Variants in PKLR observed in about 807,000 individuals in gnomAD.
PKLR encodes pyruvate kinase PKLR.
In PKLR, 38 loss-of-function variants were observed where a neutral mutation model predicts 53.6. That is an observed-to-expected ratio of 0.71 (90% confidence interval 0.55 to 0.93). PKLR has a LOEUF of 0.93. PKLR is among the 40% of genes least tolerant of loss of function. The pLI is 0.00. For missense variants in PKLR, 702 were observed against 787.3 expected (o/e 0.89, Z 1.30); for synonymous variants, 328 against 316.2 (o/e 1.04, Z -0.39).
chr1:155,299,348 A>C (rs1233813344), intron 2 of PKLR, among the ~76,000 whole-genome samples: 1 of 148,486 alleles, frequency 6.7e-6, no homozygotes, highest in East Asian at 2.0e-4. Flanking sequence ...GCACCACCAC[A>C]CTCAACTAAG....
Position 155,295,453 on chromosome 1 carries a change from G to C in PKLR, c.491C>G (p.Thr164Ser). The C allele has an allele frequency of 6.2e-7, 1 of 1,609,170 alleles. No individual in the cohort carries two copies. The highest frequency in any genetic ancestry group is 8.5e-7 in the Non-Finnish European group (1 of 1,177,914). The change falls in exon 4 of 11, where the codon ACT becomes AGT. Residue 164 changes from threonine to serine, a missense_variant. Coordinates refer to ENST00000342741, the MANE Select transcript of PKLR (RefSeq NM_000298.6). This position sits in a 1 kb window ranked among gnomAD's most constrained non-coding sequence, Gnocchi z 4.3. The stretch of plus-strand genomic sequence containing the variant: ...ACTGCTCACCCCCTGCAGGATCCCA[G>C]TGCGGATCTCCGGTCCCTTGGTGTC... ...ALDTKGPEIR[T>S]GILQGGPESE...
upstream of PKLR, among the ~76,000 whole-genome samples, chr1:155,306,171 C>T (rs1648230115): frequency 6.6e-6 from 1 of 152,198 alleles, no homozygotes; most frequent in Admixed American, 6.5e-5. This position sits in a 1 kb window ranked among gnomAD's most constrained non-coding sequence, Gnocchi z 4.2. Flanking sequence ...TGCACTTTGT[C>T]ACAGGATCAT....
In PKLR at chr1:155,299,038, T is replaced by C. The variant is rs200515801; in HGVS notation, c.283+1060A>G. 8.5e-4 allele frequency among the ~76,000 whole-genome samples: 59 copies of C among 69,108 alleles called. 1 individual carries two copies. In the East Asian group the frequency reaches 0.013, roughly 15 times the overall value. 45.3% of individuals were successfully genotyped at this position (69,108 alleles called of 152,430 possible). On this transcript the variant is annotated intron_variant, in intron 2 of 10. Transcript: ENST00000342741. ...TCTTTCTTTCTTTCTTTCTTTCTCT[T>C]TCTTTCTTTCTTTCCTTCCTTCCTT...
chr1:155,291,828 G>A lies in PKLR; in HGVS notation c.1546C>T (p.Leu516Phe), dbSNP rs1341550191. 1 of 1,614,162 alleles carries A rather than the reference G, an allele frequency of 6.2e-7. No homozygotes were observed. The highest frequency in any genetic ancestry group is 8.5e-7 in the Non-Finnish European group (1 of 1,180,006). ...VHLCRGVFPL[L>F]YREPPEAIWA... The stretch of plus-strand genomic sequence containing the variant: ...ATGGCTTCTGGAGGTTCACGGTAAA[G>A]CAAGGGGAAGACTCCTCGGCATAAG... Residue 516 changes from leucine to phenylalanine, a missense_variant, in exon 10 of 11, where the codon CTT becomes TTT. Leu to Phe is a conservative substitution (Grantham distance 22, BLOSUM62 0). Transcript: ENST00000342741.
intron 2 of PKLR, among the ~76,000 whole-genome samples, chr1:155,299,111 T>G (rs2148216614): frequency 6.6e-6 from 1 of 150,500 alleles, no homozygotes; most frequent in African/African-American, 2.4e-5. Context: ...CTTGCTTTCT[T>G]TCCTTCCTTC....
intron 2 of PKLR, among the ~76,000 whole-genome samples, chr1:155,298,999 TTTC>T (rs1647789898): frequency 2.0e-5 from 2 of 99,438 alleles, no homozygotes; most frequent in African/African-American, 1.1e-4. Context: ...TCTTTCTTTC[TTTC>T]TTTCTTTCTT....
chr1:155,302,701 C>T (rs1258671016), upstream of PKLR, among the ~76,000 whole-genome samples: 1 of 151,394 alleles, frequency 6.6e-6, no homozygotes, highest in Admixed American at 6.6e-5. Flanking sequence ...TTTAAAGGGT[C>T]TCACTCTGTC....
intron 10 of PKLR, 72 bp downstream of exon 10, chr1:155,291,684 G>T: frequency 7.3e-7 from 1 of 1,362,260 alleles, no homozygotes; most frequent in Non-Finnish European, 1.1e-6. Flanking sequence ...CCTTTGAGTG[G>T]GTATGGGAAG....
chr1:155,295,606 T>C lies in PKLR; in HGVS notation c.376-38A>G. On this transcript the variant is annotated intron_variant, in intron 3 of 10. Coordinates refer to ENST00000342741, the MANE Select transcript of PKLR (RefSeq NM_000298.6). The surrounding 1 kb of genome is among the most constrained non-coding windows in gnomAD (Gnocchi z 4.3). ...GCGGAGCGAGGGTTTCAGGGGAAGG[T>C]GGCCAGGACCTCGAGGCATCCTCCT... The C allele has an allele frequency of 6.2e-7, 1 of 1,613,972 alleles. No individual in the cohort carries two copies. The highest frequency in any genetic ancestry group is 8.5e-7 in the Non-Finnish European group (1 of 1,179,990).
At position 155,293,157 on chromosome 1, in the gene PKLR, A is replaced by T. The variant is rs369083807; in HGVS notation, c.1436+20T>A. On this transcript the variant is annotated intron_variant, in intron 9 of 10. Transcript: ENST00000342741. This position sits in a 1 kb window ranked among gnomAD's most constrained non-coding sequence, Gnocchi z 4.2. ...CCCTGACCCAAAGCTCCATCTGGAC[A>T]TTCCCAATATCCCCCTCACCGGCCA... The T allele has an allele frequency of 1.0e-4, 162 of 1,585,372 alleles. No individual in the cohort carries two copies. Among genetic ancestry groups the T allele is most frequent in the Non-Finnish European group, 9.5e-6 (11 of 1,159,686 alleles).
intron 2 of PKLR, among the ~76,000 whole-genome samples, chr1:155,299,528 T>TG (rs1331881878): frequency 1.2e-5 from 1 of 83,324 alleles, no homozygotes; most frequent in Non-Finnish European, 2.2e-5. Flanking sequence ...TTTTGTGAGA[T>TG]GGAGTTTTTC....
upstream of PKLR, chr1:155,301,505 T>G: frequency 7.0e-7 from 1 of 1,423,324 alleles, no homozygotes; most frequent in Non-Finnish European, 9.8e-7. Flanking sequence ...GCACACCCAG[T>G]AGGCCACCCT....
At chr1:155,303,851 T>C (rs1171638034), upstream of PKLR, among the ~76,000 whole-genome samples, 1 of 152,070 alleles carries the variant, frequency 6.6e-6, no homozygotes, top group Admixed American at 6.6e-5. Context: ...AGTGATTATT[T>C]TGAAGCTGAA....
chr1:155,304,980 C>T (rs916741357), upstream of PKLR, among the ~76,000 whole-genome samples: 3 of 152,144 alleles, frequency 2.0e-5, no homozygotes, highest in Non-Finnish European at 4.4e-5. Context: ...AGGAGGCTGA[C>T]GGCTTTGCAC....
At chr1:155,300,933 A>C in intron 1 of PKLR, 1 of 1,600,086 alleles carries the variant, frequency 6.2e-7, no homozygotes, top group Non-Finnish European at 8.5e-7. Flanking sequence ...GGTCTGCTCC[A>C]CACTGTTGGG....
intron 6 of PKLR, 46 bp from the exon 7 acceptor site, chr1:155,294,431 G>A (rs1647424654): frequency 1.9e-6 from 3 of 1,614,230 alleles, no homozygotes; most frequent in Non-Finnish European, 1.7e-6. Flanking sequence ...GGAGAAGAAA[G>A]GTGATGGGGA....
intron 2 of PKLR, among the ~76,000 whole-genome samples, chr1:155,298,705 G>A (rs1366518580): frequency 6.6e-6 from 1 of 151,496 alleles, no homozygotes; most frequent in Non-Finnish European, 1.5e-5. Context: ...GCAATGGCGT[G>A]ATCTTGGCTC....
rs61208773 is a variant in PKLR at position 155,293,375 on chromosome 1, G to T, written c.1270-32C>A. The T allele has an allele frequency of 2.1e-3, 3,366 of 1,614,176 alleles. 65 individuals carry two copies. The African/African-American group carries it at 0.04, about 19-fold the overall frequency. Reference sequence around the variant, plus strand: ...GTGCCAGAATGTTAGTCTGGGAAGGGGCACTGGGGTATGGAAGGGATTTGG... The same window carrying T: ...GTGCCAGAATGTTAGTCTGGGAAGGTGCACTGGGGTATGGAAGGGATTTGG... On this transcript the variant is annotated intron_variant, in intron 8 of 10. Transcript: ENST00000342741. This position sits in a 1 kb window ranked among gnomAD's most constrained non-coding sequence, Gnocchi z 4.2.
chr1:155,301,052 G>GAA, intron 1 of PKLR: 1 of 1,540,658 alleles, frequency 6.5e-7, no homozygotes. Context: ...AGGGGCCAGA[G>GAA]TCCAGGAACC....
Sources: gnomAD v4.1 joint callset for allele counts (sites outside exome capture counted in the v4.1 genomes callset) on GRCh38, gnomAD v4.1.1 for gene constraint, Gnocchi (gnomAD v3.1) non-coding constraint, MANE v1.5 for transcripts, NCBI Gene and HGNC (gene_info 2026-07-23, HGNC 2026-07-21) for gene names.